Variants in NAV1 observed in about 807,000 individuals in gnomAD.
The protein encoded by NAV1 is pore membrane and/or filament interacting like protein 3.
In NAV1, 18 loss-of-function variants were observed where a neutral mutation model predicts 175.2. That is an observed-to-expected ratio of 0.10 (90% CI 0.07 to 0.15). The LOEUF (loss-of-function observed/expected upper bound fraction) is 0.15. NAV1 is among the 10% of genes least tolerant of loss of function. The pLI is 1.00. For synonymous variants in NAV1, 897 were observed against 978.7 expected (o/e 0.92, Z 1.56); for missense variants, 1,731 against 2,436.6 (o/e 0.71, Z 6.10).
intron 1 of NAV1, among the ~76,000 whole-genome samples, chr1:201,579,537 G>A (rs1197615957): frequency 6.6e-6 from 1 of 152,102 alleles, no homozygotes; most frequent in African/African-American, 2.4e-5. Flanking sequence ...TGTATTTTTA[G>A]TAGAGATGGA....
At chr1:201,652,306 G>C (rs577198718) in intron 1 of NAV1, among the ~76,000 whole-genome samples, 1 of 152,022 alleles carries the variant, frequency 6.6e-6, no homozygotes, top group Admixed American at 6.6e-5. Flanking sequence ...TGTAATAAGA[G>C]GGAAGGACTG....
At chr1:201,664,892 C>G (rs1334260510) in intron 1 of NAV1, among the ~76,000 whole-genome samples, 2 of 152,186 alleles carry the variant, frequency 1.3e-5, no homozygotes, top group Non-Finnish European at 2.9e-5. Flanking sequence ...TAGAAAGCCC[C>G]CATCTCTCCT....
chr1:201,782,972 T>C lies in NAV1; in HGVS notation c.2357+103T>C. ...ATGAGGCATGGCCTATCCACCGTTG[T>C]CTCTAGGCCTTTGCATGGCTCTTTC... On this transcript the variant is annotated intron_variant, in intron 6 of 29. Transcript: ENST00000367296. The surrounding 1 kb of genome is among the most constrained non-coding windows in gnomAD (Gnocchi z 5.4). 1.0e-6 allele frequency: 1 copy of C among 986,274 alleles called. No homozygotes were observed. The highest frequency in any genetic ancestry group is 1.5e-6 in the Non-Finnish European group (1 of 675,620). The allele number at this position is 986,274 out of a possible 1,614,324, so 61.1% of individuals were successfully genotyped here.
upstream of NAV1, among the ~76,000 whole-genome samples, chr1:201,648,093 A>C (rs1374004976): frequency 1.4e-3 from 48 of 34,392 alleles, no homozygotes; most frequent in South Asian, 3.4e-3. Flanking sequence ...TCTCTCCCCC[A>C]CCTCCCTCCC....
chr1:201,798,607 TCAAAAA>T (rs1677608960), intron 15 of NAV1: 1 of 57,704 alleles, frequency 1.7e-5, no homozygotes. Context: ...AGACCTGGTT[TCAAAAA>T]AAAAAAAAAA....
upstream of NAV1, among the ~76,000 whole-genome samples, chr1:201,619,526 C>T (rs1668098216): frequency 6.6e-6 from 1 of 152,242 alleles, no homozygotes; most frequent in African/African-American, 2.4e-5. Context: ...GCAGACTGGA[C>T]ATGGAGAGGT....
chr1:201,648,866 C>T, exon 1 of NAV1: 1 of 1,612,248 alleles, frequency 6.2e-7, no homozygotes, highest in Non-Finnish European at 8.5e-7. Context: ...AGCTGAAGGT[C>T]TTCAAGTCCG....
At position 201,812,552 on chromosome 1, in the gene NAV1, C is replaced by G; in HGVS notation, c.5112C>G (p.Asp1704Glu). 6.2e-7 allele frequency: 1 copy of G among 1,614,222 alleles called. No individual in the cohort carries two copies. The highest frequency in any genetic ancestry group is 1.7e-5 in the Admixed American group (1 of 60,024). The change falls in exon 27 of 30, where the codon GAC (aspartate) becomes GAG (glutamate). Residue 1704 changes from aspartate (D) to glutamate (E), a missense_variant. Physicochemically the swap from Asp to Glu is conservative, Grantham distance 45 (BLOSUM62 2). Around this residue, in one of 13 missense-constraint regions of NAV1, gnomAD observed 115 missense variants for 269.4 expected, o/e 0.43. Coordinates refer to ENST00000367296, the Ensembl canonical transcript of NAV1. This position sits in a 1 kb window ranked among gnomAD's most constrained non-coding sequence, Gnocchi z 4.6. ...GGAAGCTGGTAGAGTCAGACAGCGA[C>G]ATCAATGCCAACAAGGAAGAGCTGC...
rs1678748085 is a variant in NAV1 at position 201,812,399 on chromosome 1, AG to A, written c.5025-62del. The A allele has an allele frequency of 2.7e-6, 4 of 1,505,468 alleles. No homozygotes were observed. Among genetic ancestry groups the A allele is most frequent in the African/African-American group, 2.7e-5 (2 of 72,794 alleles). 93.3% of individuals were successfully genotyped at this position (1,505,468 alleles called of 1,614,324 possible). A position where few individuals can be genotyped will look rare whatever the true frequency, so the allele number is the denominator to read the frequency against. On this transcript the variant is annotated intron_variant, in intron 26 of 29. Coordinates refer to ENST00000367296, the Ensembl canonical transcript of NAV1. This position sits in a 1 kb window ranked among gnomAD's most constrained non-coding sequence, Gnocchi z 4.6. ...CAGGCAGAAGGAGGGACAGACTGGC[AG>A]GGGCTGAACCCTGACAATGTCCCCA...
chr1:201,559,694 T>G lies in NAV1; in HGVS notation c.-144+20352T>G, dbSNP rs556823871. 3.3e-4 allele frequency among the ~76,000 whole-genome samples: 51 copies of G among 152,314 alleles called. 1 individual carries two copies. The South Asian group carries it at 0.01, about 31-fold the overall frequency. ...GCCCTTAAGAACAGTGCAGTGTCCATCCACTTCTCTTTGGACAGAACCCCG... is the reference window on the plus strand; with the variant it reads ...GCCCTTAAGAACAGTGCAGTGTCCAGCCACTTCTCTTTGGACAGAACCCCG... On this transcript the variant is annotated intron_variant, in intron 1 of 33. Coordinates refer to the NAV1 transcript ENST00000685211.
chr1:201,626,942 G>A (rs1668345706), intron 1 of NAV1, among the ~76,000 whole-genome samples: 1 of 152,184 alleles, frequency 6.6e-6, no homozygotes, highest in Admixed American at 6.5e-5. Context: ...TAAAAATACA[G>A]AGCTGACTGA....
intron 2 of NAV1, among the ~76,000 whole-genome samples, chr1:201,640,052 C>T (rs921370011): frequency 1.3e-5 from 2 of 152,118 alleles, no homozygotes; most frequent in African/African-American, 4.8e-5. Flanking sequence ...TCCCCCGAGA[C>T]GGTTGAGCTA....
At chr1:201,774,187 G>A (rs1219283742) in intron 3 of NAV1, among the ~76,000 whole-genome samples, 1 of 152,148 alleles carries the variant, frequency 6.6e-6, no homozygotes, top group Non-Finnish European at 1.5e-5. Context: ...AAATGGGAGG[G>A]AGACAGCAAA....
intron 3 of NAV1, among the ~76,000 whole-genome samples, chr1:201,756,743 A>G (rs961690228): frequency 1.3e-5 from 2 of 152,176 alleles, no homozygotes; most frequent in South Asian, 2.1e-4. Flanking sequence ...CACATTTTTT[A>G]TAGTTCCTTC....
intron 1 of NAV1, 100 bp from the exon 4 acceptor site, chr1:201,629,301 GAGA>G (rs745749870): frequency 1.1e-4 from 80 of 752,324 alleles, no homozygotes; most frequent in Non-Finnish European, 1.4e-4. Flanking sequence ...GGCACTATCA[GAGA>G]AGAAGAACCA....
In NAV1 at chr1:201,577,458, G is replaced by C. The variant is rs1354938209; in HGVS notation, c.-143-11081G>C. ...TCCATTTGGGTTAACTTTGGCATAAGGCCTGAGACTTAGATTTTTTTTTTT... is the reference window on the plus strand; with the variant it reads ...TCCATTTGGGTTAACTTTGGCATAACGCCTGAGACTTAGATTTTTTTTTTT... On this transcript the variant is annotated intron_variant, in intron 1 of 33. Transcript: ENST00000685211. Among the ~76,000 whole-genome samples, 3 of 149,568 alleles carry C rather than the reference G, an allele frequency of 2.0e-5. No homozygotes were observed. The East Asian group carries it at 5.9e-4, about 30-fold the overall frequency.
intron 3 of NAV1, among the ~76,000 whole-genome samples, chr1:201,771,811 T>C (rs1675608927): frequency 6.6e-6 from 1 of 152,170 alleles, no homozygotes. Context: ...TATAAATATG[T>C]TTAAGGATCC....
At chr1:201,775,071 G>A (rs1299339566) in intron 3 of NAV1, among the ~76,000 whole-genome samples, 1 of 152,124 alleles carries the variant, frequency 6.6e-6, no homozygotes, top group Non-Finnish European at 1.5e-5. Context: ...CAAGAGGACT[G>A]GTTGAAAATT....
Position 201,812,088 on chromosome 1 carries a change from T to A in NAV1, c.5024+114T>A. 9.6e-7 allele frequency: 1 copy of A among 1,047,070 alleles called. No individual in the cohort carries two copies. The highest frequency in any genetic ancestry group is 1.5e-6 in the Non-Finnish European group (1 of 678,846). 64.9% of individuals were successfully genotyped at this position (1,047,070 alleles called of 1,614,324 possible). A position where few individuals can be genotyped will look rare whatever the true frequency, so the allele number is the denominator to read the frequency against. On this transcript the variant is annotated intron_variant, in intron 26 of 29. Transcript: ENST00000367296. The surrounding 1 kb of genome is among the most constrained non-coding windows in gnomAD (Gnocchi z 4.6). ...GGAAAGAGAAGTATCCAGAGCTTTT[T>A]GGGCTGGAAATAGAAAGTAGATGTA...
Sources: allele counts gnomAD v4.1 joint callset (sites outside exome capture counted in the v4.1 genomes callset), GRCh38; gene constraint gnomAD v4.1.1; regional missense constraint gnomAD v4.1.1; non-coding constraint Gnocchi (gnomAD v3.1); transcripts MANE v1.5; gene names NCBI Gene and HGNC (gene_info 2026-07-23, HGNC 2026-07-21).